The following TEX2 variants were observed in gnomAD, a reference collection of about 807,000 sequenced individuals.
TEX2 encodes testis expressed 2.
In TEX2, 53 loss-of-function variants were observed where a neutral mutation model predicts 106.9. The ratio of observed to expected loss-of-function variants is 0.50; its 90% CI spans 0.40 to 0.62. The LOEUF (loss-of-function observed/expected upper bound fraction) is 0.62, where lower values mean the gene tolerates loss of function less well. TEX2 is among the 20% of genes least tolerant of loss of function. The probability of loss-of-function intolerance (pLI) is 0.00; values close to 1 mark genes in which losing one functional copy is unlikely to be tolerated. For missense variants in TEX2, 1,207 were observed against 1,379.0 expected (o/e 0.88, Z 1.98); for synonymous variants, 523 against 534.8 (o/e 0.98, Z 0.30).
intron 1 of TEX2, among the ~76,000 whole-genome samples, chr17:64,216,042 AC>A (rs1326698482): frequency 6.6e-6 from 1 of 152,230 alleles, no homozygotes; most frequent in Non-Finnish European, 1.5e-5. Flanking sequence ...GAGAGAAGTT[AC>A]CGTAAAAACT....
chr17:64,181,653 T>TA (rs1384662556), intron 5 of TEX2, among the ~76,000 whole-genome samples: 1 of 151,832 alleles, frequency 6.6e-6, no homozygotes, highest in Non-Finnish European at 1.5e-5. Flanking sequence ...TAGCTGGTAT[T>TA]ACAGGCATTC....
intron 2 of TEX2, among the ~76,000 whole-genome samples, chr17:64,208,746 T>G (rs1555631136): frequency 2.6e-5 from 4 of 152,182 alleles, no homozygotes; most frequent in Admixed American, 6.5e-5. Flanking sequence ...CACCTCACCC[T>G]CCTGAGTAGC....
chr17:64,188,536 G>A, intron 4 of TEX2, 121 bp from the exon 5 acceptor site: 1 of 1,479,744 alleles, frequency 6.8e-7, no homozygotes, highest in Non-Finnish European at 9.0e-7. Context: ...TTTATAAGGG[G>A]CTGGGCATGG....
intron 1 of TEX2, among the ~76,000 whole-genome samples, chr17:64,225,353 G>A (rs1201731249): frequency 6.6e-6 from 1 of 152,114 alleles, no homozygotes; most frequent in Non-Finnish European, 1.5e-5. Flanking sequence ...GCATTGAGAT[G>A]GGAACAAGGC....
chr17:64,175,288 G>A (rs1281871629), intron 6 of TEX2, among the ~76,000 whole-genome samples: 1 of 152,176 alleles, frequency 6.6e-6, no homozygotes, highest in Non-Finnish European at 1.5e-5. Flanking sequence ...CGGGTGGAGG[G>A]TATGGATGGA....
At chr17:64,238,212 A>ATCGCTTGACCC (rs1300276645) in intron 1 of TEX2, among the ~76,000 whole-genome samples, 1 of 152,076 alleles carries the variant, frequency 6.6e-6, no homozygotes, top group African/African-American at 2.4e-5. Flanking sequence ...AGGCAAGAGA[A>ATCGCTTGACCC]TCGCTTGACC....
In TEX2 at chr17:64,193,570, C is replaced by T. The variant is rs1244406148; in HGVS notation, c.2165G>A (p.Gly722Glu). ...ACAAACATCATTACCTGGTTTACCT[C>T]CAGAGACACCCGATGACTTCTTGAT... ...SEIKKSSGVS[G>E]GKPGLLPAHS... The change falls in exon 4 of 12, where the codon GGA becomes GAA. Residue 722 changes from glycine to glutamate, a missense_variant. Gly to Glu is a moderately conservative substitution (Grantham distance 98). Coordinates refer to ENST00000584379, the MANE Select transcript of TEX2 (RefSeq NM_001288732.2). 2.1e-6 allele frequency: 3 copies of T among 1,434,092 alleles called. No individual in the cohort carries two copies. Among genetic ancestry groups the T allele is most frequent in the Non-Finnish European group, 2.8e-6 (3 of 1,085,618 alleles). The allele number at this position is 1,434,092 out of a possible 1,614,324, so 88.8% of individuals were successfully genotyped here.
chr17:64,204,955 A>C lies in TEX2; in HGVS notation c.1644+7619T>G, dbSNP rs192161650. Among the ~76,000 whole-genome samples the C allele has an allele frequency of 8.6e-4, 131 of 152,240 alleles. 2 individuals carry two copies. The highest frequency in any genetic ancestry group is 7.5e-3 in the Admixed American group (115 of 15,282). Reference sequence around the variant, plus strand: ...AGGCACATGGGGGGTTCATTTTACTATTGCCTCTACTTTTGTCTGTATTTA... The same window carrying C: ...AGGCACATGGGGGGTTCATTTTACTCTTGCCTCTACTTTTGTCTGTATTTA... On this transcript the variant is annotated intron_variant, in intron 2 of 11. Coordinates refer to ENST00000584379, the MANE Select transcript of TEX2 (RefSeq NM_001288732.2).
At chr17:64,225,281 A>G (rs1279733759) in intron 1 of TEX2, among the ~76,000 whole-genome samples, 1 of 152,046 alleles carries the variant, frequency 6.6e-6, no homozygotes, top group Non-Finnish European at 1.5e-5. Flanking sequence ...GCGAGACACT[A>G]TCTCTATTTA....
intron 1 of TEX2, among the ~76,000 whole-genome samples, chr17:64,233,451 T>C (rs1555634803): frequency 6.6e-6 from 1 of 152,104 alleles, no homozygotes; most frequent in Non-Finnish European, 1.5e-5. Context: ...CAGGCGCCTG[T>C]AATCCCAGCT....
chr17:64,262,105 C>G (rs7219128), intron 1 of TEX2, among the ~76,000 whole-genome samples: 15,079 of 152,218 alleles, frequency 0.099, 1,874 homozygotes, highest in African/African-American at 0.29. Flanking sequence ...CATGTAAAAG[C>G]CTCATTCCTT....
At position 64,152,988 on chromosome 17, in the gene TEX2, T is replaced by C; in HGVS notation, c.3097A>G (p.Thr1033Ala). The part of the protein sequence containing the change: ...LTVEVQECRG[T>A]LAVNIPPPPT... ...GGTGGTGGAATGTTGACCGCCAAGG[T>C]TCCTCTACATTCTTGTACTTCAACA... Residue 1033 changes from threonine to alanine, a missense_variant, in exon 10 of 12, where the codon ACC becomes GCC. By Grantham distance (58) the Thr-to-Ala change is moderately conservative. Coordinates refer to ENST00000584379, the MANE Select transcript of TEX2 (RefSeq NM_001288732.2). 3.7e-6 allele frequency: 6 copies of C among 1,614,136 alleles called. No homozygotes were observed. The highest frequency in any genetic ancestry group is 3.4e-6 in the Non-Finnish European group (4 of 1,180,026).
intron 7 of TEX2, among the ~76,000 whole-genome samples, chr17:64,165,166 T>C (rs1164449804): frequency 6.6e-6 from 1 of 152,206 alleles, no homozygotes; most frequent in African/African-American, 2.4e-5. Context: ...AGAACAGATG[T>C]TGGAGTTATT....
At chr17:64,168,583 G>T (rs2031245890) in intron 7 of TEX2, among the ~76,000 whole-genome samples, 1 of 152,218 alleles carries the variant, frequency 6.6e-6, no homozygotes, top group Non-Finnish European at 1.5e-5. Flanking sequence ...AGAGGCTGCA[G>T]AGTTCAAAGC....
intron 1 of TEX2, among the ~76,000 whole-genome samples, chr17:64,254,736 T>C (rs2034153731): frequency 1.3e-5 from 2 of 152,256 alleles, no homozygotes. Context: ...AAAATACTGC[T>C]TCTTAATCAG....
At chr17:64,239,029 G>A (rs1416283725) in intron 1 of TEX2, 7 of 152,174 alleles carry the variant, frequency 4.6e-5, no homozygotes, top group Admixed American at 3.9e-4. Flanking sequence ...ATGGCCCTAT[G>A]AGGCAAGAAT....
At chr17:64,164,661 A>G (rs1362067268) in intron 7 of TEX2, among the ~76,000 whole-genome samples, 10 of 152,194 alleles carry the variant, frequency 6.6e-5, no homozygotes, top group Admixed American at 6.5e-4. Flanking sequence ...ACAATATCAG[A>G]GCCAAAAGCA....
chr17:64,182,027 C>A (rs2031889654), intron 5 of TEX2, among the ~76,000 whole-genome samples: 1 of 152,056 alleles, frequency 6.6e-6, no homozygotes, highest in African/African-American at 2.4e-5. Flanking sequence ...TATGTGTACA[C>A]TGATGTTCAG....
At chr17:64,172,614 C>T (rs2143746428) in intron 6 of TEX2, among the ~76,000 whole-genome samples, 1 of 152,314 alleles carries the variant, frequency 6.6e-6, no homozygotes, top group Admixed American at 6.5e-5. Flanking sequence ...CAGGAAGCCT[C>T]TCCACACAGC....
Sources: allele counts gnomAD v4.1 joint callset (sites outside exome capture counted in the v4.1 genomes callset), GRCh38; gene constraint gnomAD v4.1.1; transcripts MANE v1.5; gene names NCBI Gene and HGNC (gene_info 2026-07-23, HGNC 2026-07-21).